Variants in ADAMTS20 observed in about 807,000 individuals in gnomAD.
The protein encoded by ADAMTS20 is ADAM metallopeptidase with thrombospondin type 1 motif 20, also known as A disintegrin and metalloproteinase with thrombospondin motifs 20.
A neutral mutation model predicts 260.1 loss-of-function variants in ADAMTS20; 225 were observed. That is an observed-to-expected ratio of 0.87 (90% confidence interval 0.78 to 0.97). The LOEUF (loss-of-function observed/expected upper bound fraction) is 0.97, where lower values mean the gene tolerates loss of function less well. Among genes scored for constraint, ADAMTS20 ranks in the 50% least tolerant of loss-of-function variants. The pLI is 0.00. For synonymous variants in ADAMTS20, 802 were observed against 769.5 expected (o/e 1.04, Z -0.70); for missense variants, 2,400 against 2,337.7 (o/e 1.03, Z -0.55).
chr12:43,503,272 A>AT (rs1272417585), intron 3 of ADAMTS20, among the ~76,000 whole-genome samples: 1 of 151,898 alleles, frequency 6.6e-6, no homozygotes, highest in African/African-American at 2.4e-5. Context: ...TGGTGGTGGT[A>AT]TTTTCAATAG....
At chr12:43,492,780 G>A (rs763794404) in intron 5 of ADAMTS20, among the ~76,000 whole-genome samples, 151 bp from the exon 6 acceptor site, 3 of 151,594 alleles carry the variant, frequency 2.0e-5, no homozygotes, top group Non-Finnish European at 2.9e-5. Flanking sequence ...TAACTATAAC[G>A]TATTTTAGCA....
chr12:43,415,984 T>TC (rs1941122306), intron 28 of ADAMTS20, among the ~76,000 whole-genome samples: 1 of 152,172 alleles, frequency 6.6e-6, no homozygotes, highest in South Asian at 2.1e-4. Context: ...TCTCCTCAAG[T>TC]CCAAACTTCC....
At chr12:43,362,856 G>T (rs1168943626) in intron 37 of ADAMTS20, among the ~76,000 whole-genome samples, 5 of 151,338 alleles carry the variant, frequency 3.3e-5, no homozygotes, top group Admixed American at 2.6e-4. Flanking sequence ...GGTGAAAAGG[G>T]GCCAAGAGCC....
intron 3 of ADAMTS20, among the ~76,000 whole-genome samples, chr12:43,529,997 A>T (rs935043055): frequency 6.6e-6 from 1 of 152,096 alleles, no homozygotes; most frequent in Non-Finnish European, 1.5e-5. Context: ...GTGTATGCTG[A>T]TTGTACCTAA....
At chr12:43,549,936 T>C (rs902559524) in intron 2 of ADAMTS20, among the ~76,000 whole-genome samples, 1 of 152,208 alleles carries the variant, frequency 6.6e-6, no homozygotes, top group East Asian at 1.9e-4. Context: ...AAAAATATCT[T>C]TGAACACCTT....
chr12:43,426,877 C>A (rs376606397), intron 27 of ADAMTS20, among the ~76,000 whole-genome samples: 6 of 152,206 alleles, frequency 3.9e-5, no homozygotes. Context: ...GAATGAGTGA[C>A]CTAAACCATG....
intron 38 of ADAMTS20, among the ~76,000 whole-genome samples, chr12:43,354,911 C>T (rs907446536): frequency 6.6e-6 from 1 of 152,144 alleles, no homozygotes; most frequent in Non-Finnish European, 1.5e-5. Flanking sequence ...ATAAGCAGAG[C>T]AGTTCACTGA....
At chr12:43,422,511 T>C (rs942347479) in intron 28 of ADAMTS20, among the ~76,000 whole-genome samples, 4 of 152,048 alleles carry the variant, frequency 2.6e-5, no homozygotes, top group Non-Finnish European at 5.9e-5. Context: ...AAAAGTCTAA[T>C]TTAACAAATA....
intron 29 of ADAMTS20, among the ~76,000 whole-genome samples, chr12:43,398,706 T>C (rs1300906470): frequency 6.6e-6 from 1 of 152,166 alleles, no homozygotes; most frequent in Non-Finnish European, 1.5e-5. Flanking sequence ...GTTAAGTTTA[T>C]AGTCACAAAA....
chr12:43,357,742 C>T (rs1231357904), intron 37 of ADAMTS20, among the ~76,000 whole-genome samples: 3 of 152,040 alleles, frequency 2.0e-5, no homozygotes, highest in Non-Finnish European at 4.4e-5. Context: ...TCCCAGAGCC[C>T]AGAACAGGGC....
intron 5 of ADAMTS20, 76 bp downstream of exon 5, chr12:43,493,094 G>C: frequency 1.1e-6 from 1 of 941,720 alleles, no homozygotes; most frequent in East Asian, 2.7e-5. Context: ...TTTCTAATAA[G>C]AGTTCCATAA....
intron 3 of ADAMTS20, among the ~76,000 whole-genome samples, chr12:43,528,347 G>GAAAAAAAAAAAAAAAAA (rs1565583137): frequency 9.5e-3 from 22 of 2,304 alleles, no homozygotes; most frequent in African/African-American, 0.017. Flanking sequence ...GCAATCCTAA[G>GAAAAAAAAAAAAAAAAA]CAAAAAAAAA....
At chr12:43,497,234 G>T (rs1177821486) in intron 4 of ADAMTS20, among the ~76,000 whole-genome samples, 2 of 152,144 alleles carry the variant, frequency 1.3e-5, no homozygotes, top group African/African-American at 4.8e-5. Context: ...AGGTGAAGAA[G>T]AAATGGTATG....
At chr12:43,446,891 A>G (rs894388511) in intron 14 of ADAMTS20, 179 bp from the exon 15 acceptor site, 20 of 574,212 alleles carry the variant, frequency 3.5e-5, no homozygotes, top group Non-Finnish European at 5.3e-5. Context: ...GAAAACCTAG[A>G]AGAAATGGAT....
chr12:43,528,215 C>T (rs1386587801), intron 3 of ADAMTS20, among the ~76,000 whole-genome samples: 4 of 151,672 alleles, frequency 2.6e-5, no homozygotes, highest in Admixed American at 2.6e-4. Context: ...AGAAATACAT[C>T]CCATGCTCAT....
intron 37 of ADAMTS20, among the ~76,000 whole-genome samples, chr12:43,361,306 A>G (rs1297362103): frequency 2.6e-5 from 4 of 152,240 alleles, no homozygotes; most frequent in Admixed American, 1.3e-4. Context: ...TCTGGTTTAT[A>G]TATTACAGAA....
At chr12:43,375,235 T>A (rs538061306) in intron 36 of ADAMTS20, 144 bp downstream of exon 36, 2 of 580,592 alleles carry the variant, frequency 3.4e-6, no homozygotes, top group Non-Finnish European at 5.5e-6. Context: ...AGTATGTAGC[T>A]AACTGTTTTT....
intron 37 of ADAMTS20, among the ~76,000 whole-genome samples, chr12:43,367,425 A>G (rs1940012051): frequency 1.3e-5 from 2 of 152,040 alleles, no homozygotes; most frequent in Admixed American, 6.6e-5. Flanking sequence ...CACTCTATCA[A>G]TCCAGTAATG....
At chr12:43,449,949 C>T (rs1941834467) in intron 14 of ADAMTS20, among the ~76,000 whole-genome samples, 1 of 152,048 alleles carries the variant, frequency 6.6e-6, no homozygotes, top group African/African-American at 2.4e-5. Context: ...GACATTGATT[C>T]CAATACCCAC....
Sources: allele counts gnomAD v4.1 joint callset (sites outside exome capture counted in the v4.1 genomes callset), GRCh38; gene constraint gnomAD v4.1.1; transcripts MANE v1.5; gene names NCBI Gene and HGNC (gene_info 2026-07-23, HGNC 2026-07-21).